The following APLF variants were observed in gnomAD, a reference collection of about 807,000 sequenced individuals.
APLF encodes the protein aprataxin and PNK-like factor.
Under a neutral mutation model 55.6 loss-of-function variants are expected in APLF, and 61 were observed. The observed-to-expected ratio is 1.10, with a 90% CI of 0.89 to 1.36. The LOEUF is 1.36. Among genes scored for constraint, APLF ranks in the 40% most tolerant of loss-of-function variants. The pLI is 0.00. For synonymous variants in APLF, 207 were observed against 214.8 expected, an observed-to-expected ratio of 0.96 and a Z score of 0.32; for missense variants, 611 against 602.5, an observed-to-expected ratio of 1.01 and a Z score of -0.15.
intron 8 of APLF, among the ~76,000 whole-genome samples, chr2:68,558,302 A>G (rs1326647438): frequency 1.3e-5 from 2 of 152,192 alleles, no homozygotes; most frequent in African/African-American, 4.8e-5. Flanking sequence ...ATTTTGGCAT[A>G]CATAGTAAAT....
intron 8 of APLF, among the ~76,000 whole-genome samples, chr2:68,558,928 T>C (rs1324528975): frequency 1.3e-5 from 2 of 152,212 alleles, no homozygotes; most frequent in Non-Finnish European, 2.9e-5. Context: ...TTCTTCAGGT[T>C]CATTTACAAT....
intron 1 of APLF, among the ~76,000 whole-genome samples, chr2:68,483,202 C>T (rs745848212): frequency 5.9e-5 from 9 of 152,138 alleles, no homozygotes; most frequent in African/African-American, 2.4e-5. Flanking sequence ...GCGCATAACA[C>T]GAGCTCCTAC....
At chr2:68,495,354 C>G (rs1676512310) in intron 2 of APLF, among the ~76,000 whole-genome samples, 1 of 152,172 alleles carries the variant, frequency 6.6e-6, no homozygotes, top group Admixed American at 6.5e-5. Context: ...TGTTTCAAAA[C>G]AAAGGGTCTG....
At chr2:68,498,059 T>A (rs1676613080) in intron 2 of APLF, among the ~76,000 whole-genome samples, 1 of 152,210 alleles carries the variant, frequency 6.6e-6, no homozygotes. Flanking sequence ...TAAAGACATT[T>A]AGAGAATTTC....
At chr2:68,559,508 A>G (rs1469335507) in intron 8 of APLF, among the ~76,000 whole-genome samples, 2 of 152,036 alleles carry the variant, frequency 1.3e-5, no homozygotes, top group Non-Finnish European at 2.9e-5. Context: ...CATGAAAACA[A>G]CTCTTTCCCA....
At chr2:68,564,448 A>T (rs759949965) in intron 8 of APLF, among the ~76,000 whole-genome samples, 4 of 152,088 alleles carry the variant, frequency 2.6e-5, no homozygotes, top group Non-Finnish European at 4.4e-5. Context: ...TACCAGAAAG[A>T]AGAGAGATTA....
Position 68,487,092 on chromosome 2 carries a change from A to G in APLF, c.97-3098A>G, listed in dbSNP as rs13392507. 8.9e-4 allele frequency among the ~76,000 whole-genome samples: 135 copies of G among 152,290 alleles called. 3 individuals are homozygous for G. Among genetic ancestry groups the G allele is most frequent in the African/African-American group, 3.2e-3 (131 of 41,542 alleles). Reference sequence around the variant, plus strand: ...ATCCTATCCACTTTATGAATAGAGAATTAAGAATTTGGATGACATATCTTG... The same window carrying G: ...ATCCTATCCACTTTATGAATAGAGAGTTAAGAATTTGGATGACATATCTTG... On this transcript the variant is annotated intron_variant, in intron 1 of 9. Transcript: ENST00000303795.
intron 8 of APLF, among the ~76,000 whole-genome samples, chr2:68,564,027 A>G (rs1358519052): frequency 1.3e-5 from 2 of 152,116 alleles, no homozygotes; most frequent in Non-Finnish European, 2.9e-5. Context: ...TCAAATGACT[A>G]GTAACCATTT....
In APLF at chr2:68,525,742, C is replaced by CTTTTTTTTTTTTTTTTTTTTTTTTTTTTT. The variant is rs386390398; in HGVS notation, c.623-294_623-293insTTTTTTTTTTTTTTTTTTTTTTTTTTTTT. On this transcript the variant is annotated intron_variant, in intron 5 of 9. Coordinates refer to ENST00000303795, the MANE Select transcript of APLF (RefSeq NM_173545.3). ...TTTATCCTTTTTATTTTCTTTCTTT[C>CTTTTTTTTTTTTTTTTTTTTTTTTTTTTT]TTTTTTTTTTTTTTTTTTTTTTTTT... Among the ~76,000 whole-genome samples the CTTTTTTTTTTTTTTTTTTTTTTTTTTTTT allele has an allele frequency of 1.7e-4, 14 of 82,032 alleles. 3 individuals are homozygous for CTTTTTTTTTTTTTTTTTTTTTTTTTTTTT. The highest frequency in any genetic ancestry group is 8.0e-4 in the African/African-American group (13 of 16,186). The allele number at this position is 82,032 out of a possible 152,430, so 53.8% of individuals were successfully genotyped here. A position where few individuals can be genotyped will look rare whatever the true frequency, so the allele number is the denominator to read the frequency against.
At chr2:68,538,799 C>A (rs1459181247) in intron 7 of APLF, among the ~76,000 whole-genome samples, 1 of 152,126 alleles carries the variant, frequency 6.6e-6, no homozygotes, top group Non-Finnish European at 1.5e-5. Context: ...GCTATACTTT[C>A]ATCCATAGTG....
chr2:68,495,196 T>A (rs1009036093), intron 2 of APLF, among the ~76,000 whole-genome samples: 7 of 152,108 alleles, frequency 4.6e-5, no homozygotes, highest in Admixed American at 2.0e-4. Context: ...CCAATAATTC[T>A]CCAAAGTCTT....
intron 3 of APLF, among the ~76,000 whole-genome samples, chr2:68,506,795 G>A (rs184610784): frequency 6.6e-6 from 1 of 151,912 alleles, no homozygotes; most frequent in Non-Finnish European, 1.5e-5. Flanking sequence ...TAAATTTGGT[G>A]TAGTCCTATA....
At chr2:68,483,396 A>G (rs1427416267) in intron 1 of APLF, among the ~76,000 whole-genome samples, 1 of 152,204 alleles carries the variant, frequency 6.6e-6, no homozygotes, top group African/African-American at 2.4e-5. Context: ...ATGGGACAGC[A>G]GAGGCAGGGT....
At chr2:68,521,546 T>C (rs1669897572) in intron 5 of APLF, among the ~76,000 whole-genome samples, 1 of 151,920 alleles carries the variant, frequency 6.6e-6, no homozygotes, top group Non-Finnish European at 1.5e-5. Flanking sequence ...GTAAATATAT[T>C]TAGGCAAAGG....
chr2:68,518,438 ATATAATAATATATTAT>A (rs1669730490), intron 5 of APLF, among the ~76,000 whole-genome samples: 1 of 113,340 alleles, frequency 8.8e-6, no homozygotes, highest in African/African-American at 3.7e-5. Flanking sequence ...ATTATATAAT[ATATAATAATATATTAT>A]ATATTATATA....
intron 1 of APLF, among the ~76,000 whole-genome samples, chr2:68,475,147 T>A (rs1359999538): frequency 2.0e-5 from 3 of 152,228 alleles, no homozygotes; most frequent in African/African-American, 7.2e-5. Flanking sequence ...AAGTCCCAAG[T>A]GGTGCTTTAA....
intron 2 of APLF, among the ~76,000 whole-genome samples, chr2:68,498,913 G>A (rs1236980377): frequency 2.0e-5 from 3 of 151,848 alleles, no homozygotes; most frequent in Non-Finnish European, 4.4e-5. Flanking sequence ...ATTGCACAAA[G>A]TTCCCGAATT....
chr2:68,481,108 T>C (rs1420363099), intron 1 of APLF, among the ~76,000 whole-genome samples: 1 of 152,234 alleles, frequency 6.6e-6, no homozygotes, highest in Non-Finnish European at 1.5e-5. Flanking sequence ...GGTTTTGGTT[T>C]CAGGGTAATA....
intron 9 of APLF, among the ~76,000 whole-genome samples, chr2:68,571,724 C>T (rs766515016): frequency 1.2e-4 from 19 of 152,200 alleles, no homozygotes; most frequent in African/African-American, 2.4e-4. Flanking sequence ...AGTCAGGTAG[C>T]GTGATGCCTC....
Sources: allele counts gnomAD v4.1 joint callset (sites outside exome capture counted in the v4.1 genomes callset), GRCh38; gene constraint gnomAD v4.1.1; transcripts MANE v1.5; gene names NCBI Gene and HGNC (gene_info 2026-07-23, HGNC 2026-07-21).